The following HIVEP3 variants were observed in gnomAD, a reference collection of about 807,000 sequenced individuals.
HIVEP3 encodes HIVEP zinc finger 3.
HIVEP3 carries 49 observed loss-of-function variants against 152.8 expected under a neutral mutation model. That is an observed-to-expected ratio of 0.32 (90% CI 0.26 to 0.41). The LOEUF is 0.41. Among genes scored for constraint, HIVEP3 ranks in the 10% least tolerant of loss-of-function variants. HIVEP3 has a pLI of 1.00. For missense variants in HIVEP3, 2,790 were observed against 3,103.3 expected, an observed-to-expected ratio of 0.90 and a Z score of 2.40; for synonymous variants, 1,269 against 1,289.0, an observed-to-expected ratio of 0.98 and a Z score of 0.33.
chr1:41,555,962 A>G (rs576106576), intron 5 of HIVEP3, among the ~76,000 whole-genome samples: 1 of 152,324 alleles, frequency 6.6e-6, no homozygotes, highest in Non-Finnish European at 1.5e-5. Context: ...AGGTATCAGA[A>G]TGTCCTTCCA....
chr1:41,542,850 G>T (rs10493102), intron 5 of HIVEP3: 29,210 of 155,202 alleles, frequency 0.19, 3,434 homozygotes, highest in Non-Finnish European at 0.27. Context: ...CTTTTAAAAT[G>T]GCTATCAGTG....
At chr1:41,872,910 C>T (rs1644107576) in intron 1 of HIVEP3, among the ~76,000 whole-genome samples, 2 of 152,156 alleles carry the variant, frequency 1.3e-5, no homozygotes, top group African/African-American at 4.8e-5. Flanking sequence ...TGAGTAAATA[C>T]CTAGGAGTAA....
At chr1:41,602,852 A>G (rs949803842) in intron 3 of HIVEP3, among the ~76,000 whole-genome samples, 1 of 152,024 alleles carries the variant, frequency 6.6e-6, no homozygotes, top group African/African-American at 2.4e-5. Context: ...GTAGGCATTT[A>G]TCACAACGAA....
chr1:41,578,597 C>T (rs1055094548), intron 4 of HIVEP3, among the ~76,000 whole-genome samples: 1 of 152,182 alleles, frequency 6.6e-6, no homozygotes, highest in East Asian at 1.9e-4. Flanking sequence ...CTAATTTGGT[C>T]AGAGCTTCTG....
intron 2 of HIVEP3, among the ~76,000 whole-genome samples, chr1:41,666,637 A>G (rs1645800527): frequency 6.6e-6 from 1 of 152,108 alleles, no homozygotes; most frequent in Non-Finnish European, 1.5e-5. Flanking sequence ...AATCTTCTCA[A>G]GCCCGAAGCC....
At chr1:41,679,347 T>C (rs1435697616) in intron 2 of HIVEP3, among the ~76,000 whole-genome samples, 1 of 152,196 alleles carries the variant, frequency 6.6e-6, no homozygotes. Context: ...AGAGCCTTGA[T>C]TTGGGCCCAT....
chr1:41,818,506 A>G (rs1642481613), intron 1 of HIVEP3, among the ~76,000 whole-genome samples: 1 of 152,158 alleles, frequency 6.6e-6, no homozygotes, highest in Non-Finnish European at 1.5e-5. Flanking sequence ...TCTCTTAGCA[A>G]GGACTGAAAG....
chr1:41,617,930 G>A (rs900322260), intron 3 of HIVEP3, among the ~76,000 whole-genome samples: 3 of 152,202 alleles, frequency 2.0e-5, no homozygotes, highest in African/African-American at 7.2e-5. Context: ...GGCAATGACC[G>A]CACCAGGCTC....
intron 1 of HIVEP3, among the ~76,000 whole-genome samples, chr1:41,804,791 T>A (rs1004374139): frequency 2.0e-5 from 3 of 152,214 alleles, no homozygotes; most frequent in Non-Finnish European, 4.4e-5. Context: ...TCAGAGCAAG[T>A]GGATTAGAGG....
rs1165786218 is a variant in HIVEP3, at chr1:41,752,936, T to A, written c.-800-51941A>T. 2.0e-5 allele frequency among the ~76,000 whole-genome samples: 3 copies of A among 152,262 alleles called. No individual in the cohort carries two copies. In the East Asian group the frequency reaches 5.8e-4, roughly 29 times the overall value. On this transcript the variant is annotated intron_variant, in intron 1 of 8. Transcript: ENST00000372583. The stretch of plus-strand genomic sequence containing the variant: ...GGAAAGATCCACATCTGAGTCTGGC[T>A]ACTAGCCTGGCTGCTGCTCCACTGG...
At chr1:41,836,347 C>A (rs1419652796) in intron 1 of HIVEP3, among the ~76,000 whole-genome samples, 1 of 152,188 alleles carries the variant, frequency 6.6e-6, no homozygotes, top group Admixed American at 6.5e-5. Flanking sequence ...GAAGGACAGG[C>A]AGAGAGCACA....
chr1:41,543,305 G>A (rs945998653), intron 5 of HIVEP3: 1 of 152,190 alleles, frequency 6.6e-6, no homozygotes, highest in Non-Finnish European at 1.5e-5. Context: ...CATGACAGAT[G>A]GACAGATGGT....
intron 1 of HIVEP3, among the ~76,000 whole-genome samples, chr1:41,740,700 GA>G (rs1191115579): frequency 2.0e-5 from 3 of 152,226 alleles, no homozygotes; most frequent in African/African-American, 7.2e-5. Context: ...CGTGTGGGGG[GA>G]CCCCACTCTG....
rs773316067 is a variant in HIVEP3, at chr1:41,511,231, G to A, written c.6441C>T (p.Pro2147=). ...GGGAGGAGAGAGGATGAGCAGGGCCGGGTGAGCAGGAGGGACTTCGGGACT... is the reference window on the plus strand; with the variant it reads ...GGGAGGAGAGAGGATGAGCAGGGCCAGGTGAGCAGGAGGGACTTCGGGACT... ...KAESRSPSCS[P]GPAHPLSSRP... is the part of the protein sequence containing the mutation. Residue 2147 remains proline, a synonymous_variant, in exon 9 of 9, where the codon CCC becomes CCT. Transcript: ENST00000372583. The surrounding 1 kb of genome is among the most constrained non-coding windows in gnomAD (Gnocchi z 4.9). 2.5e-6 allele frequency: 4 copies of A among 1,612,242 alleles called. No individual in the cohort carries two copies. The highest frequency in any genetic ancestry group is 2.2e-5 in the East Asian group (1 of 44,876).
intron 1 of HIVEP3, among the ~76,000 whole-genome samples, chr1:41,928,355 T>G (rs1223093630): frequency 6.6e-6 from 1 of 152,202 alleles, no homozygotes; most frequent in African/African-American, 2.4e-5. Context: ...ATGCTCTCCC[T>G]ACTTTTTTTC....
intron 3 of HIVEP3, among the ~76,000 whole-genome samples, chr1:41,598,312 T>C (rs991014678): frequency 6.6e-6 from 1 of 152,194 alleles, no homozygotes; most frequent in African/African-American, 2.4e-5. Context: ...TCTATACACG[T>C]GACTGTGGCA....
At chr1:41,917,965 G>A (rs1253727182) in intron 1 of HIVEP3, among the ~76,000 whole-genome samples, 1 of 152,230 alleles carries the variant, frequency 6.6e-6, no homozygotes, top group African/African-American at 2.4e-5. Flanking sequence ...GGCAGCACAA[G>A]AAAACGCCGG....
chr1:41,830,500 C>T (rs1440645257), intron 1 of HIVEP3, among the ~76,000 whole-genome samples: 3 of 152,320 alleles, frequency 2.0e-5, no homozygotes, highest in South Asian at 2.1e-4. Flanking sequence ...GGAATGTTGT[C>T]TGCTGACAGC....
chr1:41,541,150 A>G (rs1396932727), intron 5 of HIVEP3, among the ~76,000 whole-genome samples: 1 of 152,134 alleles, frequency 6.6e-6, no homozygotes, highest in African/African-American at 2.4e-5. Flanking sequence ...TGTGATCCTG[A>G]GCAAGCACCC....
Sources: allele counts gnomAD v4.1 joint callset (sites outside exome capture counted in the v4.1 genomes callset), GRCh38; gene constraint gnomAD v4.1.1; non-coding constraint Gnocchi (gnomAD v3.1); transcripts MANE v1.5; gene names NCBI Gene and HGNC (gene_info 2026-07-23, HGNC 2026-07-21).